Variants in TMEM126B observed in about 807,000 individuals in gnomAD.
The protein encoded by TMEM126B is complex I assembly factor TMEM126B, mitochondrial.
In TMEM126B, 19 loss-of-function variants were observed where a neutral mutation model predicts 16.5. That is an observed-to-expected ratio of 1.15 (90% CI 0.80 to 1.69). The LOEUF (loss-of-function observed/expected upper bound fraction) is 1.69. Among genes scored for constraint, TMEM126B ranks in the 40% most tolerant of loss-of-function variants. TMEM126B has a pLI of 0.00. For missense variants in TMEM126B, 293 were observed against 278.7 expected, an observed-to-expected ratio of 1.05 and a Z score of -0.37; for synonymous variants, 104 against 93.2, an observed-to-expected ratio of 1.12 and a Z score of -0.67.
intron 3 of TMEM126B, chr11:85,634,922 C>G (rs1310631517): frequency 6.6e-6 from 1 of 152,246 alleles, no homozygotes; most frequent in Non-Finnish European, 1.5e-5. Flanking sequence ...AGTTTATCTT[C>G]AAAGTATTGT....
intron 2 of TMEM126B, among the ~76,000 whole-genome samples, chr11:85,633,822 GCT>G (rs2082349480): frequency 6.6e-6 from 1 of 152,128 alleles, no homozygotes; most frequent in African/African-American, 2.4e-5. Context: ...ATTTAAAAGA[GCT>G]CTATTTTAGA....
chr11:85,632,722 T>G (rs1192332834), intron 2 of TMEM126B, among the ~76,000 whole-genome samples: 1 of 152,178 alleles, frequency 6.6e-6, no homozygotes, highest in Non-Finnish European at 1.5e-5. Context: ...ATTTATACAG[T>G]TATGTAACCA....
At chr11:85,631,468 G>C (rs1054203697) in intron 1 of TMEM126B, among the ~76,000 whole-genome samples, 3 of 152,006 alleles carry the variant, frequency 2.0e-5, no homozygotes, top group African/African-American at 7.3e-5. Context: ...TGTTTAGCAA[G>C]AAAATAAAAA....
rs1565786874 is a variant in TMEM126B at position 85,628,669 on chromosome 11, G to A, written c.62G>A (p.Gly21Glu). The change falls in exon 1 of 5, where the codon GGA becomes GAA. Residue 21 changes from glycine to glutamate, a missense_variant. Transcript: ENST00000358867. Reference sequence around the variant, plus strand: ...AGGGATTCAGGTGTGGTGCCGGTGGGAACTGAGGAAGCGCCCAAGGTAGGC... The same window carrying A: ...AGGGATTCAGGTGTGGTGCCGGTGGAAACTGAGGAAGCGCCCAAGGTAGGC... ...KPRDSGVVPV[G>E]TEEAPKVFKM... The A allele has an allele frequency of 1.3e-6, 2 of 1,536,208 alleles. No individual in the cohort carries two copies. The highest frequency in any genetic ancestry group is 1.7e-6 in the Non-Finnish European group (2 of 1,146,924).
intron 3 of TMEM126B, chr11:85,634,864 C>G (rs1049910284): frequency 6.6e-6 from 1 of 152,414 alleles, no homozygotes; most frequent in African/African-American, 2.4e-5. Context: ...CCAGGGAGAC[C>G]TCTGATTGCC....
chr11:85,631,790 A>T lies in TMEM126B; in HGVS notation c.185A>T (p.Asp62Val), dbSNP rs769893074. 1 of 1,608,288 alleles carries T rather than the reference A, an allele frequency of 6.2e-7. No homozygotes were observed. Among genetic ancestry groups the T allele is most frequent in the Non-Finnish European group, 8.5e-7 (1 of 1,178,606 alleles). ...MVIEIIEKNF[D>V]YLRKEMTQNI... ...ATAGAAATCATAGAAAAAAATTTTG[A>T]CTATCTTAGAAAAGAAATGTAAGAG... is the stretch of plus-strand genomic sequence containing the variant. The change falls in exon 2 of 5, where the codon GAC becomes GTC. Residue 62 changes from aspartate to valine, a missense_variant. Asp to Val is a radical substitution (Grantham distance 152). Coordinates refer to ENST00000358867, the MANE Select transcript of TMEM126B (RefSeq NM_018480.7).
rs1026636514 is a variant in TMEM126B at position 85,628,811 on chromosome 11, A to G, written c.81+123A>G. The G allele has an allele frequency of 8.2e-6, 8 of 970,986 alleles. No individual in the cohort carries two copies. In the African/African-American group the frequency reaches 9.7e-5, roughly 12 times the overall value. The allele number at this position is 970,986 out of a possible 1,614,324, so 60.1% of individuals were successfully genotyped here. ...GTTAAAACAGCTCCCAAGTCCATGCAAGGAGCAGTCGATTAAGTCTCCAGT... is the reference window on the plus strand; with the variant it reads ...GTTAAAACAGCTCCCAAGTCCATGCGAGGAGCAGTCGATTAAGTCTCCAGT... On this transcript the variant is annotated intron_variant, in intron 1 of 4. Transcript: ENST00000358867.
rs370650108 is a variant in TMEM126B, at chr11:85,630,843, C to T, written c.82-844C>T. On this transcript the variant is annotated intron_variant, in intron 1 of 4. Coordinates refer to ENST00000358867, the MANE Select transcript of TMEM126B (RefSeq NM_018480.7). Reference sequence around the variant, plus strand: ...CTTTGGGAGGCTGAGGCAGGTGGATCACCTGAGGTCAGGAGTTCGAGACCA... The same window carrying T: ...CTTTGGGAGGCTGAGGCAGGTGGATTACCTGAGGTCAGGAGTTCGAGACCA... 2.0e-4 allele frequency among the ~76,000 whole-genome samples: 30 copies of T among 152,318 alleles called. No individual in the cohort carries two copies. In the East Asian group the frequency reaches 3.5e-3, roughly 18 times the overall value.
chr11:85,628,664 G>T lies in TMEM126B; in HGVS notation c.57G>T (p.Pro19=). ...GTKPRDSGVV[P]VGTEEAPKVF... ...AGCCAAGGGATTCAGGTGTGGTGCC[G>T]GTGGGAACTGAGGAAGCGCCCAAGG... Residue 19 remains proline (P), a synonymous_variant, in exon 1 of 5, where the codon CCG becomes CCT. Transcript: ENST00000358867. The T allele has an allele frequency of 6.5e-7, 1 of 1,536,148 alleles. No individual in the cohort carries two copies. The highest frequency in any genetic ancestry group is 8.7e-7 in the Non-Finnish European group (1 of 1,146,908).
At chr11:85,631,246 C>G (rs115861780) in intron 1 of TMEM126B, 5 of 1,286,834 alleles carry the variant, frequency 3.9e-6, no homozygotes, top group Non-Finnish European at 1.0e-6. Context: ...ACCTGAAGAG[C>G]TAGGAGGACA....
intron 2 of TMEM126B, among the ~76,000 whole-genome samples, chr11:85,632,702 G>A (rs868831730): frequency 6.6e-6 from 1 of 151,894 alleles, no homozygotes; most frequent in African/African-American, 2.4e-5. Flanking sequence ...AGTTATATGA[G>A]TTTTAGCAAA....
At chr11:85,633,901 G>A (rs1445131513) in intron 2 of TMEM126B, among the ~76,000 whole-genome samples, 185 bp from the exon 3 acceptor site, 1 of 152,134 alleles carries the variant, frequency 6.6e-6, no homozygotes, top group Non-Finnish European at 1.5e-5. Flanking sequence ...TATGAGGGGT[G>A]GGAAATTTCT....
At chr11:85,635,127 A>G (rs636735) in intron 3 of TMEM126B, 1,752 of 152,520 alleles carry the variant, frequency 0.011, 103 homozygotes, top group Admixed American at 0.1. Flanking sequence ...TATTGTCATT[A>G]TAAAATTGTT....
chr11:85,629,484 C>G (rs2082212208), intron 1 of TMEM126B, among the ~76,000 whole-genome samples: 1 of 152,178 alleles, frequency 6.6e-6, no homozygotes, highest in African/African-American at 2.4e-5. Context: ...CAAATATTTC[C>G]TGTGTTCTTT....
intron 1 of TMEM126B, among the ~76,000 whole-genome samples, chr11:85,630,021 AG>A (rs936913645): frequency 6.6e-6 from 1 of 152,198 alleles, no homozygotes; most frequent in African/African-American, 2.4e-5. Context: ...TGTTGATGCC[AG>A]GAACTGTGTA....
At chr11:85,629,639 G>A (rs2082222944) in intron 1 of TMEM126B, among the ~76,000 whole-genome samples, 1 of 152,126 alleles carries the variant, frequency 6.6e-6, no homozygotes, top group Non-Finnish European at 1.5e-5. Context: ...GGTGGAAGGT[G>A]GAGGATTTCA....
intron 1 of TMEM126B, 42 bp downstream of exon 1, chr11:85,628,730 C>G: frequency 6.6e-7 from 1 of 1,506,288 alleles, no homozygotes; most frequent in Non-Finnish European, 8.9e-7. Flanking sequence ...GATTTCTGCA[C>G]CTTCAAAGTG....
Position 85,630,625 on chromosome 11 carries a change from G to T in TMEM126B, c.82-1062G>T, listed in dbSNP as rs1014126753. 1.1e-4 allele frequency among the ~76,000 whole-genome samples: 17 copies of T among 152,224 alleles called. No individual in the cohort carries two copies. The East Asian group carries it at 1.7e-3, about 16-fold the overall frequency. Reference sequence around the variant, plus strand: ...CTGAGAGTGCAGGGTTTGTTTTTTTGTTGTTGTTGTTTTGTTTTGTTTTTT... The same window carrying T: ...CTGAGAGTGCAGGGTTTGTTTTTTTTTTGTTGTTGTTTTGTTTTGTTTTTT... On this transcript the variant is annotated intron_variant, in intron 1 of 4. Transcript: ENST00000358867.
intron 1 of TMEM126B, chr11:85,631,395 C>T: frequency 1.9e-6 from 2 of 1,030,580 alleles, no homozygotes; most frequent in East Asian, 1.2e-4. Flanking sequence ...TAGAAATAAT[C>T]ATTATACTAC....
Sources: gnomAD v4.1 joint callset for allele counts (sites outside exome capture counted in the v4.1 genomes callset) on GRCh38, gnomAD v4.1.1 for gene constraint, MANE v1.5 for transcripts, NCBI Gene and HGNC (gene_info 2026-07-23, HGNC 2026-07-21) for gene names.